The following SH3PXD2A variants were observed in gnomAD, a reference collection of about 807,000 sequenced individuals.
The protein encoded by SH3PXD2A is SH3 and PX domains 2A.
SH3PXD2A carries 32 observed loss-of-function variants against 115.2 expected under a neutral mutation model. That is an observed-to-expected ratio of 0.28 (90% CI 0.21 to 0.37). The LOEUF (loss-of-function observed/expected upper bound fraction) is 0.37, where lower values mean the gene tolerates loss of function less well. Ranked by LOEUF, SH3PXD2A falls within the 10% of genes least tolerant of loss-of-function variation. The pLI, the probability that SH3PXD2A is intolerant of heterozygous loss-of-function variation, is 1.00. For synonymous variants in SH3PXD2A, 610 were observed against 629.1 expected (o/e 0.97, Z 0.45); for missense variants, 1,328 against 1,498.7 (o/e 0.89, Z 1.88).
At chr10:103,639,947 T>C (rs761674992) in intron 8 of SH3PXD2A, among the ~76,000 whole-genome samples, 11 of 151,858 alleles carry the variant, frequency 7.2e-5, no homozygotes, top group Non-Finnish European at 1.5e-4. Flanking sequence ...TTCTCAGAGG[T>C]GGAGCCCTGA....
chr10:103,692,991 G>T, intron 6 of SH3PXD2A, 37 bp downstream of exon 6: 1 of 1,582,068 alleles, frequency 6.3e-7, no homozygotes, highest in Non-Finnish European at 8.7e-7. Flanking sequence ...GAAGCGGGAA[G>T]GAAGGCTGAA....
intron 2 of SH3PXD2A, among the ~76,000 whole-genome samples, chr10:103,783,325 A>G (rs567933760): frequency 6.6e-6 from 1 of 152,272 alleles, no homozygotes; most frequent in East Asian, 1.9e-4. Flanking sequence ...GGAGGAGGTG[A>G]CCGTGAGAAT....
intron 9 of SH3PXD2A, among the ~76,000 whole-genome samples, chr10:103,625,364 GCTTCA>G (rs1471645456): frequency 6.6e-6 from 1 of 152,256 alleles, no homozygotes; most frequent in African/African-American, 2.4e-5. Context: ...CGAGCAAAAT[GCTTCA>G]CAGAGAGGTG....
intron 2 of SH3PXD2A, among the ~76,000 whole-genome samples, chr10:103,769,134 CTGTGTGTGTGTGTGTGTGTGTGTG>C (rs67426639): frequency 4.9e-5 from 7 of 141,916 alleles, no homozygotes; most frequent in African/African-American, 1.6e-4. Flanking sequence ...AGGCTAGACT[CTGTGTGTGTGTGTGTGTGTGTGTG>C]TGTGTGTGTG....
chr10:103,632,493 C>T (rs2036795104), intron 8 of SH3PXD2A, among the ~76,000 whole-genome samples: 1 of 152,200 alleles, frequency 6.6e-6, no homozygotes, highest in African/African-American at 2.4e-5. Context: ...GGAATCTTTC[C>T]AAGAGGCCCA....
At chr10:103,631,345 T>C (rs962482493) in intron 8 of SH3PXD2A, among the ~76,000 whole-genome samples, 21 of 152,180 alleles carry the variant, frequency 1.4e-4, no homozygotes, top group Admixed American at 4.6e-4. Flanking sequence ...ATTAATAAAA[T>C]AGAACAATTA....
intron 5 of SH3PXD2A, among the ~76,000 whole-genome samples, chr10:103,710,654 G>C (rs533552946): frequency 6.6e-6 from 1 of 152,304 alleles, no homozygotes; most frequent in Admixed American, 6.5e-5. Flanking sequence ...GCCTCTCAGG[G>C]AAGCCGGATG....
chr10:103,849,904 A>G (rs772647929), intron 1 of SH3PXD2A, among the ~76,000 whole-genome samples: 5 of 152,184 alleles, frequency 3.3e-5, no homozygotes, highest in Non-Finnish European at 7.3e-5. Context: ...AGTAAGTGGG[A>G]CTACCATGTG....
intron 7 of SH3PXD2A, among the ~76,000 whole-genome samples, chr10:103,664,605 C>T (rs1202154606): frequency 1.3e-5 from 2 of 152,052 alleles, no homozygotes; most frequent in African/African-American, 2.4e-5. Flanking sequence ...GGGCCCATTA[C>T]ATCCCAGGTA....
chr10:103,660,289 G>GCTGCC (rs2037274393), intron 8 of SH3PXD2A, among the ~76,000 whole-genome samples: 4 of 152,106 alleles, frequency 2.6e-5, no homozygotes, highest in African/African-American at 9.7e-5. Flanking sequence ...CACCTGCCAT[G>GCTGCC]ACTCCTGCTG....
chr10:103,834,823 T>A (rs1366107333), intron 1 of SH3PXD2A, among the ~76,000 whole-genome samples: 2 of 152,168 alleles, frequency 1.3e-5, no homozygotes, highest in Non-Finnish European at 2.9e-5. Context: ...GGTGGTGAAC[T>A]CCAACTCTCT....
intron 1 of SH3PXD2A, among the ~76,000 whole-genome samples, chr10:103,854,941 C>T (rs1842926811): frequency 6.6e-6 from 1 of 152,178 alleles, no homozygotes. Context: ...ATGACTTCAC[C>T]GTTGTAACAG....
intron 3 of SH3PXD2A, among the ~76,000 whole-genome samples, chr10:103,737,227 T>C (rs2038390917): frequency 6.6e-6 from 1 of 152,228 alleles, no homozygotes; most frequent in Admixed American, 6.5e-5. Context: ...CACCTGGTAC[T>C]TTTCAGTTGC....
At position 103,627,121 on chromosome 10, in the gene SH3PXD2A, T is replaced by G; in HGVS notation, c.686A>C (p.Asp229Ala). 6.2e-7 allele frequency: 1 copy of G among 1,610,088 alleles called. No individual in the cohort carries two copies. Among genetic ancestry groups the G allele is most frequent in the Non-Finnish European group, 8.5e-7 (1 of 1,177,674 alleles). The change falls in exon 9 of 15, where the codon GAC becomes GCC. Residue 229 changes from aspartate (D) to alanine (A), a missense_variant. Asp to Ala is a moderately radical substitution (Grantham distance 126, BLOSUM62 -2). Coordinates refer to ENST00000369774, the MANE Select transcript of SH3PXD2A (RefSeq NM_001394015.1). This position sits in a 1 kb window ranked among gnomAD's most constrained non-coding sequence, Gnocchi z 4.4. ...AGTCTTAGAGGTGTTGATGTCGGAG[T>G]CATCCCGAGTACCATTCTGGGCCTC... ...YLEAQNGTRD[D>A]SDINTSKTGE...
chr10:103,653,080 G>C (rs1493172), intron 8 of SH3PXD2A, among the ~76,000 whole-genome samples: 133,967 of 152,182 alleles, frequency 0.88, 59,076 homozygotes, highest in East Asian at 1. Context: ...TGCTGCTGAC[G>C]TCTCCACAGC....
chr10:103,692,081 C>T (rs2037759429), intron 6 of SH3PXD2A, among the ~76,000 whole-genome samples: 2 of 152,310 alleles, frequency 1.3e-5, no homozygotes, highest in South Asian at 4.1e-4. Context: ...CAGATGTACC[C>T]CAAGGTACAG....
chr10:103,816,662 T>G (rs116711548), intron 1 of SH3PXD2A, among the ~76,000 whole-genome samples: 1 of 152,164 alleles, frequency 6.6e-6, no homozygotes, highest in South Asian at 2.1e-4. Flanking sequence ...GGCATCTACC[T>G]AAGAGAAATG....
chr10:103,715,641 G>A lies in SH3PXD2A; in HGVS notation c.398+8629C>T, dbSNP rs116268324. Among the ~76,000 whole-genome samples the A allele has an allele frequency of 8.1e-3, 1,239 of 152,340 alleles. 19 individuals carry two copies. Among genetic ancestry groups the A allele is most frequent in the African/African-American group, 0.029 (1,197 of 41,568 alleles). On this transcript the variant is annotated intron_variant, in intron 5 of 14. Coordinates refer to ENST00000369774, the MANE Select transcript of SH3PXD2A (RefSeq NM_001394015.1). ...CCGGGTGACTTACAGAGAATGGAAG[G>A]CCACGCAGTCAACCCACAGCAATGC...
At chr10:103,612,752 A>T in intron 12 of SH3PXD2A, 101 bp downstream of exon 12, 1 of 735,844 alleles carries the variant, frequency 1.4e-6, no homozygotes, top group Non-Finnish European at 2.2e-6. Context: ...CAGGAGGAAA[A>T]CGCCATGGGG....
Sources: allele counts gnomAD v4.1 joint callset (sites outside exome capture counted in the v4.1 genomes callset), GRCh38; gene constraint gnomAD v4.1.1; non-coding constraint Gnocchi (gnomAD v3.1); transcripts MANE v1.5; gene names NCBI Gene and HGNC (gene_info 2026-07-23, HGNC 2026-07-21).